The following SLC9A6 variants were observed in gnomAD, a reference collection of about 807,000 sequenced individuals.
The protein encoded by SLC9A6 is solute carrier family 9 member A6.
In SLC9A6, 6 loss-of-function variants were observed where a neutral mutation model predicts 45.3. That is an observed-to-expected ratio of 0.13 (90% CI 0.07 to 0.26). SLC9A6 has a LOEUF of 0.26. SLC9A6 is among the 10% of genes least tolerant of loss of function. SLC9A6 has a pLI of 1.00. For synonymous variants in SLC9A6, 191 were observed against 187.7 expected (o/e 1.02, Z -0.14); for missense variants, 278 against 503.7 (o/e 0.55, Z 4.29).
At chrX:136,033,534 C>T (rs1556621420) in intron 16 of SLC9A6, 41 bp downstream of exon 16, 1 of 798,090 alleles carries the variant, frequency 1.3e-6, no homozygotes, top group Non-Finnish European at 1.9e-6. Flanking sequence ...ATAATGTGGA[C>T]ATAGATAATT....
At chrX:136,037,258 A>G (rs1252501167) in intron 16 of SLC9A6, among the ~76,000 whole-genome samples, 1 of 112,260 alleles carries the variant, frequency 8.9e-6, no homozygotes, top group Non-Finnish European at 1.9e-5. Flanking sequence ...ATGTGCACAC[A>G]CACGCACACA....
chrX:135,994,899 A>G lies in SLC9A6; in HGVS notation c.283A>G (p.Ser95Gly). ...SSPTTLLVNV[S>G]GKFYEYMLKG... ...TCCAACTACCTTACTGGTAAATGTT[A>G]GTGGAAAATTTTATGAGTATATGCT... The change falls in exon 3 of 18, where the codon AGT becomes GGT. Residue 95 changes from serine to glycine, a missense_variant. By Grantham distance (56) the Ser-to-Gly change is moderately conservative (BLOSUM62 0). Around this residue, in one of 5 missense-constraint regions of SLC9A6, gnomAD observed 118 missense variants for 209.9 expected, o/e 0.56. Coordinates refer to ENST00000630721, the MANE Select transcript of SLC9A6 (RefSeq NM_001379110.1). 8.3e-7 allele frequency: 1 copy of G among 1,206,031 alleles called. No individual in the cohort carries two copies. Among genetic ancestry groups the G allele is most frequent in the Non-Finnish European group, 1.1e-6 (1 of 890,127 alleles).
rs1556618832 is a variant in SLC9A6, at chrX:136,012,949, G to A, written c.886G>A (p.Val296Met). ...TCATTACTAGCCTTAACAGTCTTAC[G>A]TGACAAAGTTCACCAAATTACGGGA... ...GAATGVVTAL[V>M]TKFTKLREFQ... is the part of the protein sequence containing the mutation. Residue 296 changes from valine (V) to methionine (M), a missense_variant and splice_region_variant, in exon 9 of 18, where the codon GTG (valine) becomes ATG (methionine). By Grantham distance (21) the Val-to-Met change is conservative. This residue lies in a region of SLC9A6 where 13 missense variants were observed against 58.8 expected (regional missense o/e 0.22). Transcript: ENST00000630721. 2 of 1,195,165 alleles carry A rather than the reference G, an allele frequency of 1.7e-6. No homozygotes were observed. Among genetic ancestry groups the A allele is most frequent in the Non-Finnish European group, 2.3e-6 (2 of 880,365 alleles).
At chrX:136,025,909 T>A (rs956829425) in intron 13 of SLC9A6, among the ~76,000 whole-genome samples, 3 of 111,562 alleles carry the variant, frequency 2.7e-5, no homozygotes, top group Non-Finnish European at 5.6e-5. Context: ...ATGAAGACTT[T>A]CCCTCATTGT....
chrX:136,000,254 CAAAAAAAAAAA>C (rs1212509294), intron 6 of SLC9A6, among the ~76,000 whole-genome samples: 2,692 of 15,729 alleles, frequency 0.17, 60 homozygotes, highest in South Asian at 0.38. Flanking sequence ...ACCCTGTCTC[CAAAAAAAAAAA>C]AAAAAAAAAA....
chrX:136,044,679 A>G lies in SLC9A6; in HGVS notation c.1995A>G (p.Glu665=). 8.3e-7 allele frequency: 1 copy of G among 1,209,958 alleles called. No homozygotes were observed. The highest frequency in any genetic ancestry group is 3.0e-5 in the East Asian group (1 of 33,805). ...TRLVLPMDDS[E]PPLNLLDNTR... is the part of the protein sequence containing the mutation. ...TGGTTCTTCCAATGGATGATTCTGA[A>G]CCCCCGCTAAATTTGTTAGATAATA... The change falls in exon 18 of 18, where the codon GAA becomes GAG. Residue 665 remains glutamate (E), a synonymous_variant. Transcript: ENST00000630721.
intron 8 of SLC9A6, among the ~76,000 whole-genome samples, chrX:136,011,828 T>C (rs2070928152): frequency 9.0e-6 from 1 of 111,371 alleles, no homozygotes; most frequent in Non-Finnish European, 1.9e-5. Flanking sequence ...CAGTGGCTCG[T>C]GCCTGTAATC....
chrX:136,021,737 G>T (rs1305858788), intron 11 of SLC9A6, among the ~76,000 whole-genome samples: 1 of 111,753 alleles, frequency 8.9e-6, no homozygotes, highest in Non-Finnish European at 1.9e-5. Context: ...ATGATGGCCA[G>T]GCTGGTCTTG....
rs781937749 is a variant in SLC9A6, at chrX:135,988,473, TTTTCTTTC to T, written c.169+2666_169+2673del. 6.9e-3 allele frequency among the ~76,000 whole-genome samples: 736 copies of T among 106,908 alleles called. 4 individuals carry two copies. The highest frequency in any genetic ancestry group is 0.01 in the Non-Finnish European group (536 of 51,999). The allele number at this position is 106,908 out of a possible 115,157, so 92.8% of individuals were successfully genotyped here. A position where few individuals can be genotyped will look rare whatever the true frequency, so the allele number is the denominator to read the frequency against. On this transcript the variant is annotated intron_variant, in intron 2 of 17. Coordinates refer to ENST00000630721, the MANE Select transcript of SLC9A6 (RefSeq NM_001379110.1). Reference sequence around the variant, plus strand: ...TCTCTCTCTTTTCTTTCTTTCTTTCTTTTCTTTCTTTCTTTCTTTCTTTCTTTTCTTTC... The same window carrying T: ...TCTCTCTCTTTTCTTTCTTTCTTTCTTTTCTTTCTTTCTTTCTTTTCTTTC...
chrX:136,011,917 C>T (rs1369895677), intron 8 of SLC9A6, among the ~76,000 whole-genome samples: 1 of 110,865 alleles, frequency 9.0e-6, no homozygotes, highest in East Asian at 2.9e-4. Context: ...GGTGAAACCC[C>T]GTCTCTACTA....
At chrX:135,983,212 C>T (rs1291947245), upstream of SLC9A6, among the ~76,000 whole-genome samples, 1 of 111,449 alleles carries the variant, frequency 9.0e-6, no homozygotes, top group Admixed American at 9.5e-5. Context: ...GTTGTGTATA[C>T]GTGTGTATAT....
intron 15 of SLC9A6, among the ~76,000 whole-genome samples, chrX:136,031,497 C>T (rs1211547610): frequency 1.8e-5 from 2 of 111,875 alleles, no homozygotes; most frequent in Admixed American, 9.4e-5. Context: ...GTCAGGAATT[C>T]GAGACCAGCC....
chrX:136,042,172 A>G (rs782775521), intron 17 of SLC9A6, among the ~76,000 whole-genome samples: 16 of 107,120 alleles, frequency 1.5e-4, no homozygotes, highest in African/African-American at 5.4e-4. Flanking sequence ...CAACCATCAC[A>G]CTTAATTTTT....
Position 136,026,860 on chromosome X carries a change from T to C in SLC9A6, c.1461-2026T>C, listed in dbSNP as rs368960357. On this transcript the variant is annotated intron_variant, in intron 13 of 17. Coordinates refer to ENST00000630721, the MANE Select transcript of SLC9A6 (RefSeq NM_001379110.1). ...CTCAGTGCTTCTTAACTGGGGAGAATTTTGCCCCCCGCCCAAGGGACATTT... is the reference window on the plus strand; with the variant it reads ...CTCAGTGCTTCTTAACTGGGGAGAACTTTGCCCCCCGCCCAAGGGACATTT... 2.8e-4 allele frequency among the ~76,000 whole-genome samples: 31 copies of C among 111,587 alleles called. No homozygotes were observed. The South Asian group carries it at 0.011, about 39-fold the overall frequency.
intron 12 of SLC9A6, 128 bp downstream of exon 12, chrX:136,022,825 T>G (rs1397816570): frequency 8.4e-6 from 3 of 359,089 alleles, no homozygotes; most frequent in African/African-American, 8.1e-5. Flanking sequence ...ATTTATTTAT[T>G]TAGAGACACT....
chrX:136,010,926 C>T (rs782534829), intron 8 of SLC9A6, among the ~76,000 whole-genome samples: 1 of 112,387 alleles, frequency 8.9e-6, no homozygotes, highest in East Asian at 2.8e-4. Flanking sequence ...GTCAGCCTGG[C>T]AGTCTTTTGC....
chrX:136,021,461 T>G (rs2071125812), intron 11 of SLC9A6, among the ~76,000 whole-genome samples: 1 of 112,659 alleles, frequency 8.9e-6, no homozygotes, highest in African/African-American at 3.2e-5. Context: ...TTTTGTGCAG[T>G]GTCTTCTGTC....
intron 7 of SLC9A6, among the ~76,000 whole-genome samples, chrX:136,004,127 C>T (rs1448113269): frequency 1.3e-5 from 1 of 79,539 alleles, no homozygotes; most frequent in African/African-American, 5.1e-5. Flanking sequence ...TTTGCTCTGT[C>T]ACCCAGGCTG....
At chrX:136,029,862 GA>G in intron 14 of SLC9A6, 4 of 382,584 alleles carry the variant, frequency 1.0e-5, no homozygotes, top group Non-Finnish European at 1.8e-5. Flanking sequence ...CCTATATTCA[GA>G]GAAAAAAAAT....
Sources: gnomAD v4.1 joint callset for allele counts (sites outside exome capture counted in the v4.1 genomes callset) on GRCh38, gnomAD v4.1.1 for gene constraint, gnomAD v4.1.1 regional missense constraint, MANE v1.5 for transcripts, NCBI Gene and HGNC (gene_info 2026-07-23, HGNC 2026-07-21) for gene names.